The following ADGRL2 variants were observed in gnomAD, a reference collection of about 807,000 sequenced individuals.
ADGRL2 encodes adhesion G protein-coupled receptor L2.
A neutral mutation model predicts 157.4 loss-of-function variants in ADGRL2; 44 were observed. The observed-to-expected ratio is 0.28, with a 90% CI of 0.22 to 0.36. The LOEUF (loss-of-function observed/expected upper bound fraction) is 0.36. Ranked by LOEUF, ADGRL2 falls within the 10% of genes least tolerant of loss-of-function variation. The pLI, the probability that ADGRL2 is intolerant of heterozygous loss-of-function variation, is 1.00. For missense variants in ADGRL2, 1,510 were observed against 1,768.9 expected (o/e 0.85, Z 2.63); for synonymous variants, 585 against 624.7 (o/e 0.94, Z 0.95).
At chr1:81,851,039 A>T in intron 2 of ADGRL2, among the ~76,000 whole-genome samples, 1 of 151,936 alleles carries the variant, frequency 6.6e-6, no homozygotes. Context: ...ATGATCACCC[A>T]AAAACCAATA....
chr1:81,404,846 T>C (rs1208302336), intron 1 of ADGRL2, among the ~76,000 whole-genome samples: 5 of 152,168 alleles, frequency 3.3e-5, no homozygotes, highest in Non-Finnish European at 5.9e-5. Context: ...CTAAAAGATA[T>C]GTAGCATCTC....
At chr1:81,611,863 C>T (rs2081547654) in intron 3 of ADGRL2, among the ~76,000 whole-genome samples, 2 of 151,996 alleles carry the variant, frequency 1.3e-5, no homozygotes, top group African/African-American at 4.8e-5. Flanking sequence ...GGAGAGTTTC[C>T]CCTATGCTGT....
chr1:81,579,700 A>C (rs558777265), intron 2 of ADGRL2, among the ~76,000 whole-genome samples: 1 of 152,294 alleles, frequency 6.6e-6, no homozygotes, highest in East Asian at 1.9e-4. Flanking sequence ...ACCCATAAAT[A>C]AAATACAGTG....
intron 3 of ADGRL2, among the ~76,000 whole-genome samples, chr1:81,680,374 A>G (rs555150090): frequency 6.6e-6 from 1 of 152,338 alleles, no homozygotes; most frequent in East Asian, 1.9e-4. Context: ...TATTCCAGCA[A>G]TGTTCATTTC....
intron 2 of ADGRL2, among the ~76,000 whole-genome samples, chr1:81,537,783 T>A (rs368784724): frequency 3.0e-4 from 45 of 151,286 alleles, no homozygotes; most frequent in African/African-American, 1.0e-3. Flanking sequence ...CACTGCAACC[T>A]CCACCTCCCA....
At chr1:81,832,925 T>G (rs1449556822) in intron 1 of ADGRL2, among the ~76,000 whole-genome samples, 2 of 152,190 alleles carry the variant, frequency 1.3e-5, no homozygotes, top group African/African-American at 4.8e-5. Context: ...ACATAAAATA[T>G]TTCTGAAAAG....
intron 1 of ADGRL2, among the ~76,000 whole-genome samples, chr1:81,369,167 A>C (rs1336992451): frequency 6.6e-6 from 1 of 152,144 alleles, no homozygotes. Context: ...ACATTGAGGC[A>C]GAGACAGAGA....
chr1:81,334,419 A>G lies in ADGRL2; in HGVS notation c.-302+27910A>G, dbSNP rs370282915. On this transcript the variant is annotated intron_variant, in intron 1 of 24. Coordinates refer to the ADGRL2 transcript ENST00000370721. ...CTGTCATATTAGTTTCATTTCTTTT[A>G]AACATTTTTCCAATTTCAAGATGAA... Among the ~76,000 whole-genome samples, 5 of 152,320 alleles carry G rather than the reference A, an allele frequency of 3.3e-5. No individual in the cohort carries two copies. The East Asian group carries it at 9.6e-4, about 29-fold the overall frequency.
At chr1:81,490,082 G>A (rs994809139) in intron 2 of ADGRL2, among the ~76,000 whole-genome samples, 2 of 149,956 alleles carry the variant, frequency 1.3e-5, no homozygotes, top group African/African-American at 4.9e-5. Flanking sequence ...ACAACCATTT[G>A]TAAATCTACT....
chr1:81,868,776 T>C (rs2093617179), intron 2 of ADGRL2, among the ~76,000 whole-genome samples: 1 of 151,864 alleles, frequency 6.6e-6, no homozygotes, highest in Non-Finnish European at 1.5e-5. Flanking sequence ...GTTTATCTAT[T>C]TTACATCTTT....
At chr1:81,646,560 A>T (rs1244253714) in intron 3 of ADGRL2, among the ~76,000 whole-genome samples, 5 of 152,200 alleles carry the variant, frequency 3.3e-5, no homozygotes. Flanking sequence ...AAAATGAGAT[A>T]CTAGAGTTCT....
At chr1:81,615,815 C>A (rs760987410) in intron 3 of ADGRL2, among the ~76,000 whole-genome samples, 3 of 152,078 alleles carry the variant, frequency 2.0e-5, no homozygotes, top group Non-Finnish European at 4.4e-5. Context: ...AAGCTAAAAC[C>A]TAGTTGGGAT....
At chr1:81,563,394 A>C (rs942867693) in intron 2 of ADGRL2, among the ~76,000 whole-genome samples, 1 of 152,190 alleles carries the variant, frequency 6.6e-6, no homozygotes, top group Admixed American at 6.6e-5. Context: ...ATAGGCCAAC[A>C]TTTGGGGTTA....
intron 1 of ADGRL2, among the ~76,000 whole-genome samples, chr1:81,380,074 C>T (rs2076317749): frequency 6.6e-6 from 1 of 152,180 alleles, no homozygotes; most frequent in Non-Finnish European, 1.5e-5. Flanking sequence ...TTCCCTAACA[C>T]GCAAAAAATT....
intron 3 of ADGRL2, among the ~76,000 whole-genome samples, chr1:81,624,887 T>G (rs1010153110): frequency 1.3e-5 from 2 of 152,182 alleles, no homozygotes; most frequent in Non-Finnish European, 2.9e-5. Context: ...TGAGTTGCTG[T>G]GCAGCTCTAT....
At chr1:81,384,416 T>A (rs1219580203) in intron 1 of ADGRL2, among the ~76,000 whole-genome samples, 2 of 152,072 alleles carry the variant, frequency 1.3e-5, no homozygotes, top group Non-Finnish European at 2.9e-5. Flanking sequence ...AGGAAAAAAA[T>A]CTTAAAACTC....
chr1:81,655,054 C>T (rs771510079), intron 3 of ADGRL2, among the ~76,000 whole-genome samples: 6 of 152,126 alleles, frequency 3.9e-5, no homozygotes, highest in Non-Finnish European at 5.9e-5. Flanking sequence ...GTTCAAGCCT[C>T]GCCCCCCTGC....
At chr1:81,783,014 A>G (rs1373601799) in intron 2 of ADGRL2, among the ~76,000 whole-genome samples, 1 of 152,174 alleles carries the variant, frequency 6.6e-6, no homozygotes, top group Non-Finnish European at 1.5e-5. Flanking sequence ...TGCGTTGGAA[A>G]TCTGTAATAG....
chr1:81,558,418 G>A (rs1328107468), intron 2 of ADGRL2, among the ~76,000 whole-genome samples: 1 of 152,170 alleles, frequency 6.6e-6, no homozygotes, highest in Non-Finnish European at 1.5e-5. Flanking sequence ...TCATTTGAAT[G>A]TCAGAATCAT....
Sources: gnomAD v4.1 joint callset for allele counts (sites outside exome capture counted in the v4.1 genomes callset) on GRCh38, gnomAD v4.1.1 for gene constraint, MANE v1.5 for transcripts, NCBI Gene and HGNC (gene_info 2026-07-23, HGNC 2026-07-21) for gene names.